The following YPEL2 variants were observed in gnomAD, a reference collection of about 807,000 sequenced individuals.
YPEL2 encodes the protein yippee like 2, also known as protein yippee-like 2.
A neutral mutation model predicts 19.1 loss-of-function variants in YPEL2; 2 were observed. That is an observed-to-expected ratio of 0.10 (90% CI 0.04 to 0.33). The LOEUF (loss-of-function observed/expected upper bound fraction) is 0.33. Ranked by LOEUF, YPEL2 falls within the 10% of genes least tolerant of loss-of-function variation. The pLI, the probability that YPEL2 is intolerant of heterozygous loss-of-function variation, is 1.00. For synonymous variants in YPEL2, 52 were observed against 50.0 expected, an observed-to-expected ratio of 1.04 and a Z score of -0.17; for missense variants, 66 against 140.7, an observed-to-expected ratio of 0.47 and a Z score of 2.68.
At position 59,353,778 on chromosome 17, in the gene YPEL2, A is replaced by G; in HGVS notation, c.117+252A>G. The G allele has an allele frequency of 4.4e-6, 2 of 457,828 alleles. No individual in the cohort carries two copies. Among genetic ancestry groups the G allele is most frequent in the African/African-American group, 2.0e-5 (1 of 50,364 alleles). The allele number at this position is 457,828 out of a possible 1,614,324, so 28.4% of individuals were successfully genotyped here. The stretch of plus-strand genomic sequence containing the variant: ...TTTGGGAGCTGGCAGCTTGCAAGCC[A>G]GAGAAGGGAGGGGCTGGGGATTGAT... On this transcript the variant is annotated intron_variant, in intron 2 of 4. Transcript: ENST00000312655. The surrounding 1 kb of genome is among the most constrained non-coding windows in gnomAD (Gnocchi z 4.8).
intron 3 of YPEL2, 89 bp from the exon 4 acceptor site, chr17:59,389,271 T>A: frequency 8.2e-7 from 1 of 1,225,902 alleles, no homozygotes; most frequent in Non-Finnish European, 1.2e-6. Context: ...GGACAGCCTT[T>A]CCCAGTTAAT....
chr17:59,390,306 A>C (rs960326576), intron 4 of YPEL2, among the ~76,000 whole-genome samples: 1 of 152,076 alleles, frequency 6.6e-6, no homozygotes, highest in Non-Finnish European at 1.5e-5. Context: ...CTGGCCAACA[A>C]ATTTATTTCT....
rs536295466 is a variant in YPEL2 at position 59,394,766 on chromosome 17, G to A, written c.271-2335G>A. Among the ~76,000 whole-genome samples the A allele has an allele frequency of 7.9e-5, 12 of 152,326 alleles. 1 individual carries two copies. The East Asian group carries it at 1.7e-3, about 22-fold the overall frequency. Reference sequence around the variant, plus strand: ...TGGGAGGTGGAGGTTGTAGCGAGCCGAGATCACGCCACTGCACTTCAGCCT... The same window carrying A: ...TGGGAGGTGGAGGTTGTAGCGAGCCAAGATCACGCCACTGCACTTCAGCCT... On this transcript the variant is annotated intron_variant, in intron 4 of 4. Coordinates refer to ENST00000312655, the MANE Select transcript of YPEL2 (RefSeq NM_001005404.4).
intron 4 of YPEL2, among the ~76,000 whole-genome samples, chr17:59,391,378 G>T (rs2048006737): frequency 6.6e-6 from 1 of 152,086 alleles, no homozygotes; most frequent in Non-Finnish European, 1.5e-5. Flanking sequence ...GCTCAATTTT[G>T]CTGTGACCCT....
intron 1 of YPEL2, among the ~76,000 whole-genome samples, chr17:59,350,240 T>G (rs1473073773): frequency 6.6e-6 from 1 of 152,068 alleles, no homozygotes; most frequent in East Asian, 1.9e-4. Flanking sequence ...CTGGCTAAGT[T>G]TGAATTTTTT....
At chr17:59,389,313 G>A (rs748198769) in intron 3 of YPEL2, 47 bp from the exon 4 acceptor site, 8 of 1,526,292 alleles carry the variant, frequency 5.2e-6, no homozygotes, top group South Asian at 1.2e-5. Flanking sequence ...AATGCCTGAT[G>A]TGCGTGTCAC....
At chr17:59,341,348 C>T (rs1013567266) in intron 1 of YPEL2, among the ~76,000 whole-genome samples, 9 of 145,394 alleles carry the variant, frequency 6.2e-5, no homozygotes, top group African/African-American at 2.1e-4. Context: ...GCGGAGATCG[C>T]ACCACTGCAC....
chr17:59,395,801 G>T (rs114640403), intron 4 of YPEL2, among the ~76,000 whole-genome samples: 8 of 152,104 alleles, frequency 5.3e-5, no homozygotes, highest in Non-Finnish European at 1.0e-4. Context: ...CCAGGCGTCC[G>T]GGCGCGGTGG....
chr17:59,388,748 A>C, intron 3 of YPEL2: 1 of 237,252 alleles, frequency 4.2e-6, no homozygotes, highest in Non-Finnish European at 8.2e-6. Context: ...GGAGGAAGGA[A>C]GGCCCACTTC....
intron 2 of YPEL2, among the ~76,000 whole-genome samples, chr17:59,361,239 G>T (rs1295969580): frequency 1.3e-5 from 2 of 152,150 alleles, no homozygotes; most frequent in Non-Finnish European, 2.9e-5. Context: ...GCCTATACTT[G>T]CTCTTATCAT....
chr17:59,343,512 G>C (rs997570764), intron 1 of YPEL2, among the ~76,000 whole-genome samples: 5 of 152,156 alleles, frequency 3.3e-5, no homozygotes, highest in African/African-American at 1.2e-4. Flanking sequence ...CACCAGCTCT[G>C]TTAGGGTCCT....
chr17:59,342,881 C>G (rs1304354800), intron 1 of YPEL2, among the ~76,000 whole-genome samples: 1 of 152,134 alleles, frequency 6.6e-6, no homozygotes, highest in Non-Finnish European at 1.5e-5. Context: ...AAGAAGACTC[C>G]TAGGTTGGAA....
chr17:59,356,249 T>TA (rs2047812112), intron 2 of YPEL2: 1 of 150,662 alleles, frequency 6.6e-6, no homozygotes, highest in Non-Finnish European at 1.5e-5. Context: ...AATTAAATGA[T>TA]ACTTTGTACT....
At chr17:59,344,183 T>G (rs558491331) in intron 1 of YPEL2, among the ~76,000 whole-genome samples, 1 of 152,086 alleles carries the variant, frequency 6.6e-6, no homozygotes, top group Non-Finnish European at 1.5e-5. Context: ...CATGAGCCAC[T>G]GTGCCCAGCA....
chr17:59,366,747 G>A (rs1192812819), intron 2 of YPEL2, among the ~76,000 whole-genome samples: 4 of 152,206 alleles, frequency 2.6e-5, no homozygotes, highest in South Asian at 2.1e-4. Context: ...GGGCCGTTAA[G>A]GTTCATGCCA....
chr17:59,380,519 C>T (rs1184760412), intron 2 of YPEL2, among the ~76,000 whole-genome samples: 1 of 152,142 alleles, frequency 6.6e-6, no homozygotes, highest in Admixed American at 6.5e-5. Flanking sequence ...ATCTGCCCTC[C>T]TTGGCCTCCC....
intron 1 of YPEL2, among the ~76,000 whole-genome samples, chr17:59,333,183 A>G (rs1029449134): frequency 3.9e-5 from 6 of 152,136 alleles, no homozygotes; most frequent in Non-Finnish European, 7.4e-5. Context: ...ATTCTTCTAA[A>G]CTGTGTTTTG....
chr17:59,338,691 C>T (rs1399293094), intron 1 of YPEL2, among the ~76,000 whole-genome samples: 1 of 152,104 alleles, frequency 6.6e-6, no homozygotes, highest in African/African-American at 2.4e-5. Context: ...ATAGAGCACT[C>T]CGTGGGAGTG....
chr17:59,355,206 T>A (rs1440137630), intron 2 of YPEL2: 2 of 152,212 alleles, frequency 1.3e-5, no homozygotes, highest in Non-Finnish European at 2.9e-5. Flanking sequence ...TGAGTCATAC[T>A]TTATGCGGAT....
Sources: gnomAD v4.1 joint callset for allele counts (sites outside exome capture counted in the v4.1 genomes callset) on GRCh38, gnomAD v4.1.1 for gene constraint, Gnocchi (gnomAD v3.1) non-coding constraint, MANE v1.5 for transcripts, NCBI Gene and HGNC (gene_info 2026-07-23, HGNC 2026-07-21) for gene names.